PTPN18: variants seen among roughly 807,000 people sequenced by gnomAD.
The protein encoded by PTPN18 is tyrosine-protein phosphatase non-receptor type 18.
Under a neutral mutation model 65.4 loss-of-function variants are expected in PTPN18, and 65 were observed. The observed-to-expected ratio is 0.99, with a 90% CI of 0.81 to 1.22. The LOEUF is 1.22. Ranked by LOEUF, PTPN18 falls within the 50% of genes most tolerant of loss-of-function variation. The probability of loss-of-function intolerance (pLI) is 0.00; values close to 1 mark genes in which losing one functional copy is unlikely to be tolerated. For missense variants in PTPN18, 616 were observed against 646.5 expected, an observed-to-expected ratio of 0.95 and a Z score of 0.51; for synonymous variants, 255 against 267.8, an observed-to-expected ratio of 0.95 and a Z score of 0.47.
At chr2:130,361,390 G>A (rs1359278011) in intron 5 of PTPN18, among the ~76,000 whole-genome samples, 1 of 151,924 alleles carries the variant, frequency 6.6e-6, no homozygotes, top group East Asian at 1.9e-4. Flanking sequence ...TATACATTTA[G>A]GATTATGTCT....
intron 9 of PTPN18, 31 bp from the exon 10 acceptor site, chr2:130,370,674 C>T (rs780933673): frequency 5.6e-6 from 9 of 1,613,974 alleles, no homozygotes; most frequent in Middle Eastern, 1.6e-4. Flanking sequence ...GACCACGTGT[C>T]CTGCTCAAGT....
intron 2 of PTPN18, 73 bp downstream of exon 2, chr2:130,359,048 G>A (rs1558840560): frequency 3.9e-6 from 6 of 1,527,202 alleles, no homozygotes; most frequent in Non-Finnish European, 4.5e-6. Context: ...AGTGTGCACT[G>A]GAGTCACCCA....
chr2:130,370,077 T>C lies in PTPN18; in HGVS notation c.576T>C (p.Tyr192=). The change falls in exon 8 of 15, where the codon TAT becomes TAC. Residue 192 remains tyrosine (Y), a synonymous_variant. Transcript: ENST00000175756. ...KESRSVYQLQ[Y]MSWPDRGVPS... The stretch of plus-strand genomic sequence containing the variant: ...CCCGTTCTGTGTACCAGCTACAGTA[T>C]ATGTCCTGGCCAGACCGTGGGGTCC... 1 of 1,614,210 alleles carries C rather than the reference T, an allele frequency of 6.2e-7. No individual in the cohort carries two copies.
chr2:130,359,634 A>G lies in PTPN18; in HGVS notation c.402A>G (p.Ile134Met). ...VKVILMACRE[I>M]ENGRKRCERY... ...TGATCCTGATGGCCTGTCGAGAGAT[A>G]GAGAATGGGCGGGTAGGTGCCCTCT... Residue 134 changes from isoleucine (I) to methionine (M), a missense_variant, in exon 5 of 15, where the codon ATA becomes ATG. This residue lies in a region of PTPN18 where 223 missense variants were observed against 210.0 expected (regional missense o/e 1.06). Coordinates refer to ENST00000175756, the MANE Select transcript of PTPN18 (RefSeq NM_014369.4). 6.2e-7 allele frequency: 1 copy of G among 1,614,018 alleles called. No homozygotes were observed. Among genetic ancestry groups the G allele is most frequent in the Non-Finnish European group, 8.5e-7 (1 of 1,179,932 alleles).
At chr2:130,372,755 C>T in intron 13 of PTPN18, 118 bp from the exon 14 acceptor site, 3 of 1,275,696 alleles carry the variant, frequency 2.4e-6, no homozygotes, top group Non-Finnish European at 3.3e-6. Context: ...TGCCTTCTCC[C>T]GCCCGGCGCC....
chr2:130,361,545 T>G (rs1680205312), intron 5 of PTPN18, among the ~76,000 whole-genome samples: 1 of 146,486 alleles, frequency 6.8e-6, no homozygotes, highest in Non-Finnish European at 1.5e-5. Flanking sequence ...TTTCTTTCTT[T>G]CTTTCTTTCT....
intron 13 of PTPN18, 38 bp downstream of exon 13, chr2:130,372,521 G>A: frequency 7.1e-7 from 1 of 1,403,888 alleles, no homozygotes. Context: ...GCATCATCCT[G>A]CTGTGATCCG....
intron 11 of PTPN18, 82 bp downstream of exon 11, chr2:130,371,046 G>C (rs946337178): frequency 1.4e-6 from 2 of 1,463,842 alleles, no homozygotes; most frequent in African/African-American, 2.8e-5. Context: ...CAGCCCCCGG[G>C]ACTACTGGGA....
At chr2:130,358,416 T>C (rs1420071744) in intron 1 of PTPN18, among the ~76,000 whole-genome samples, 1 of 152,240 alleles carries the variant, frequency 6.6e-6, no homozygotes, top group East Asian at 1.9e-4. Context: ...CATTGTCTTA[T>C]ATGTTTAGCT....
At position 130,356,073 on chromosome 2, in the gene PTPN18, G is replaced by C; in HGVS notation, c.-35G>C. 6.6e-6 allele frequency: 8 copies of C among 1,213,554 alleles called. No homozygotes were observed. Among genetic ancestry groups the C allele is most frequent in the Non-Finnish European group, 8.2e-6 (8 of 971,686 alleles). 75.2% of individuals were successfully genotyped at this position (1,213,554 alleles called of 1,614,324 possible). A position where few individuals can be genotyped will look rare whatever the true frequency, so the allele number is the denominator to read the frequency against. ...CGGCGTCCACACTCGCCGCGCGCGC[G>C]GCGGCCGGGCTGGACCTTGCTGGCC... On this transcript the variant is annotated 5_prime_UTR_variant, in exon 1 of 15. Coordinates refer to ENST00000175756, the MANE Select transcript of PTPN18 (RefSeq NM_014369.4).
At chr2:130,370,300 C>G in intron 8 of PTPN18, 110 bp downstream of exon 8, 1 of 1,471,476 alleles carries the variant, frequency 6.8e-7, no homozygotes, top group African/African-American at 1.4e-5. Context: ...TTTTGAGAAC[C>G]CTTGCTCACC....
At chr2:130,360,684 G>A (rs13410128) in intron 5 of PTPN18, among the ~76,000 whole-genome samples, 2,107 of 152,148 alleles carry the variant, frequency 0.014, 49 homozygotes, top group African/African-American at 0.046. Context: ...TAAATTATAT[G>A]GCCTGTAAAT....
rs560699978 is a variant in PTPN18 at position 130,372,400 on chromosome 2, C to G, written c.1157C>G (p.Ala386Gly). ...ACGGGGGCGCGCAGCGCGGAGGAGG[C>G]GCCGCTCTACAGCAAGGTGACGCCG... is the stretch of plus-strand genomic sequence containing the variant. ...TGTGARSAEE[A>G]PLYSKVTPRA... The change falls in exon 13 of 15, where the codon GCG becomes GGG. Residue 386 changes from alanine to glycine, a missense_variant. This residue lies in a region of PTPN18 where 368 missense variants were observed against 386.7 expected (regional missense o/e 0.95). Transcript: ENST00000175756. 237 of 1,363,766 alleles carry G rather than the reference C, an allele frequency of 1.7e-4. 1 individual carries two copies. The East Asian group carries it at 7.1e-3, about 41-fold the overall frequency. 84.5% of individuals were successfully genotyped at this position (1,363,766 alleles called of 1,614,324 possible).
At chr2:130,361,387 T>G (rs1033371321) in intron 5 of PTPN18, among the ~76,000 whole-genome samples, 9 of 152,228 alleles carry the variant, frequency 5.9e-5, no homozygotes, top group Non-Finnish European at 7.3e-5. Flanking sequence ...ACATATACAT[T>G]TAGGATTATG....
At chr2:130,356,382 A>C (rs1558838886) in intron 1 of PTPN18, among the ~76,000 whole-genome samples, 182 bp downstream of exon 1, 2 of 150,082 alleles carry the variant, frequency 1.3e-5, no homozygotes, top group Non-Finnish European at 3.0e-5. Flanking sequence ...CTCCGTCTTC[A>C]CTCTCTGCCC....
At chr2:130,362,207 C>G (rs78662239) in intron 5 of PTPN18, 1 of 466,520 alleles carries the variant, frequency 2.1e-6, no homozygotes. Flanking sequence ...TGGCCTCAAG[C>G]TGTCCTTCCA....
intron 5 of PTPN18, among the ~76,000 whole-genome samples, chr2:130,363,219 C>T (rs1045733233): frequency 6.6e-6 from 1 of 151,652 alleles, no homozygotes; most frequent in Non-Finnish European, 1.5e-5. Context: ...GAGGCTGAGA[C>T]TGGTGGATCA....
At chr2:130,357,299 A>G (rs1470022878) in intron 1 of PTPN18, among the ~76,000 whole-genome samples, 1 of 152,384 alleles carries the variant, frequency 6.6e-6, no homozygotes, top group Non-Finnish European at 1.5e-5. Flanking sequence ...AATGCTAGGC[A>G]CTGTACATTA....
intron 5 of PTPN18, among the ~76,000 whole-genome samples, chr2:130,364,721 A>G (rs1390434304): frequency 1.3e-5 from 2 of 152,204 alleles, no homozygotes; most frequent in African/African-American, 4.8e-5. Flanking sequence ...GTGTGAACCC[A>G]TGAGGCGGAG....
Sources: allele counts gnomAD v4.1 joint callset (sites outside exome capture counted in the v4.1 genomes callset), GRCh38; gene constraint gnomAD v4.1.1; regional missense constraint gnomAD v4.1.1; transcripts MANE v1.5; gene names NCBI Gene and HGNC (gene_info 2026-07-23, HGNC 2026-07-21).